SESTD1: variants seen among roughly 807,000 people sequenced by gnomAD.
The protein encoded by SESTD1 is SEC14 domain and spectrin repeat-containing protein 1.
SESTD1 carries 43 observed loss-of-function variants against 101.7 expected under a neutral mutation model. That is an observed-to-expected ratio of 0.42 (90% confidence interval 0.33 to 0.55). The LOEUF (loss-of-function observed/expected upper bound fraction) is 0.55. Ranked by LOEUF, SESTD1 falls within the 20% of genes least tolerant of loss-of-function variation. SESTD1 has a pLI of 0.07. For missense variants in SESTD1, 647 were observed against 815.1 expected, an observed-to-expected ratio of 0.79 and a Z score of 2.51; for synonymous variants, 283 against 286.8, an observed-to-expected ratio of 0.99 and a Z score of 0.13.
At chr2:179,121,297 T>C (rs1006359283) in intron 13 of SESTD1, among the ~76,000 whole-genome samples, 3 of 148,838 alleles carry the variant, frequency 2.0e-5, no homozygotes, top group Admixed American at 1.3e-4. Flanking sequence ...CCTAGTTTTA[T>C]AGAAAATGAA....
At chr2:179,219,584 GA>G (rs1363915834) in intron 1 of SESTD1, among the ~76,000 whole-genome samples, 1 of 152,166 alleles carries the variant, frequency 6.6e-6, no homozygotes, top group Non-Finnish European at 1.5e-5. Context: ...AGCAATTTTA[GA>G]AATTAACAAA....
At chr2:179,179,368 T>C (rs73045819) in intron 3 of SESTD1, among the ~76,000 whole-genome samples, 120 of 152,278 alleles carry the variant, frequency 7.9e-4, no homozygotes, top group African/African-American at 2.8e-3. Context: ...AAGGGTGACA[T>C]AGCTGAGTTA....
intron 13 of SESTD1, 72 bp downstream of exon 13, chr2:179,121,698 A>G: frequency 4.5e-6 from 6 of 1,338,160 alleles, no homozygotes; most frequent in Non-Finnish European, 5.9e-6. Context: ...CTGTATATAA[A>G]ATGTTATATA....
At chr2:179,141,689 A>G (rs1251635376) in intron 9 of SESTD1, among the ~76,000 whole-genome samples, 5 of 152,136 alleles carry the variant, frequency 3.3e-5, no homozygotes, top group Non-Finnish European at 5.9e-5. Flanking sequence ...AGACTATGAC[A>G]TAAGGACCTT....
chr2:179,248,016 C>T (rs567546723), intron 1 of SESTD1, among the ~76,000 whole-genome samples: 129 of 151,676 alleles, frequency 8.5e-4, no homozygotes, highest in African/African-American at 3.1e-3. Flanking sequence ...AATTTAAGCT[C>T]CCATCTCAAG....
rs554696318 is a variant in SESTD1, at chr2:179,172,905, A to G, written c.256-672T>C. 1.4e-4 allele frequency among the ~76,000 whole-genome samples: 21 copies of G among 152,354 alleles called. 1 individual carries two copies. In the East Asian group the frequency reaches 2.3e-3, roughly 17 times the overall value. ...AGTTCTACCGCCTGCATTGTTAACA[A>G]CGCCAAACTATCCAGCTTTCTGAAA... is the stretch of plus-strand genomic sequence containing the variant. On this transcript the variant is annotated intron_variant, in intron 4 of 17. Coordinates refer to ENST00000428443, the MANE Select transcript of SESTD1 (RefSeq NM_178123.5).
At chr2:179,170,775 T>A in intron 5 of SESTD1, among the ~76,000 whole-genome samples, 1 of 152,180 alleles carries the variant, frequency 6.6e-6, no homozygotes, top group East Asian at 1.9e-4. Context: ...GAGACTGAGT[T>A]AGTTAATCAC....
At chr2:179,120,268 G>A (rs2044720480) in intron 13 of SESTD1, among the ~76,000 whole-genome samples, 1 of 152,042 alleles carries the variant, frequency 6.6e-6, no homozygotes, top group Non-Finnish European at 1.5e-5. Flanking sequence ...CCAGTCTCAG[G>A]TAGTTTTTTA....
At chr2:179,112,672 C>T (rs2044535064) in intron 17 of SESTD1, 52 bp downstream of exon 17, 3 of 1,497,590 alleles carry the variant, frequency 2.0e-6, no homozygotes, top group African/African-American at 1.4e-5. Context: ...TTAATGATTT[C>T]ACTTTAAGAC....
chr2:179,229,010 A>C (rs1241857174), intron 1 of SESTD1, among the ~76,000 whole-genome samples: 1 of 152,192 alleles, frequency 6.6e-6, no homozygotes, highest in Non-Finnish European at 1.5e-5. Flanking sequence ...ATCCTCAAGA[A>C]GACCACTCAT....
intron 1 of SESTD1, among the ~76,000 whole-genome samples, chr2:179,201,044 A>G (rs935960703): frequency 7.4e-6 from 1 of 134,768 alleles, no homozygotes; most frequent in African/African-American, 2.9e-5. Context: ...GCTAATATCC[A>G]GAATCTACAA....
At chr2:179,123,642 A>T in intron 12 of SESTD1, 73 bp downstream of exon 12, 2 of 968,158 alleles carry the variant, frequency 2.1e-6, no homozygotes, top group Non-Finnish European at 3.1e-6. Context: ...AAGTTGACTT[A>T]ATTGTCTAAC....
At chr2:179,197,220 T>C (rs1574027957) in intron 1 of SESTD1, among the ~76,000 whole-genome samples, 1 of 149,218 alleles carries the variant, frequency 6.7e-6, no homozygotes, top group South Asian at 2.1e-4. Flanking sequence ...CTATGGAAAA[T>C]GAAATGAATG....
At chr2:179,182,850 C>T (rs559792732) in intron 3 of SESTD1, among the ~76,000 whole-genome samples, 29 of 152,054 alleles carry the variant, frequency 1.9e-4, no homozygotes, top group South Asian at 1.7e-3. Context: ...CCTTAAAAGT[C>T]GACAATACAT....
At chr2:179,197,081 T>C (rs1279030578) in intron 1 of SESTD1, among the ~76,000 whole-genome samples, 2 of 151,956 alleles carry the variant, frequency 1.3e-5, no homozygotes, top group Non-Finnish European at 2.9e-5. Flanking sequence ...GAAGAATGTA[T>C]AACTAGAATA....
chr2:179,157,733 C>A (rs973479632), intron 5 of SESTD1, among the ~76,000 whole-genome samples: 1 of 152,108 alleles, frequency 6.6e-6, no homozygotes, highest in Non-Finnish European at 1.5e-5. Flanking sequence ...ACTTAACAAT[C>A]ATTATTTAGT....
intron 5 of SESTD1, among the ~76,000 whole-genome samples, chr2:179,153,642 A>G (rs900746836): frequency 6.6e-6 from 1 of 152,210 alleles, no homozygotes; most frequent in Admixed American, 6.5e-5. Context: ...CTCATAAAAA[A>G]GAATCAGGTT....
intron 1 of SESTD1, among the ~76,000 whole-genome samples, chr2:179,262,631 G>T (rs979099979): frequency 2.6e-5 from 4 of 152,114 alleles, no homozygotes; most frequent in Non-Finnish European, 5.9e-5. Flanking sequence ...CTAAAAATCG[G>T]ATTAGTTTGG....
chr2:179,241,222 A>G (rs897704764), intron 1 of SESTD1, among the ~76,000 whole-genome samples: 2 of 152,320 alleles, frequency 1.3e-5, no homozygotes, highest in Non-Finnish European at 2.9e-5. Flanking sequence ...CAGTGAGACT[A>G]TATGAAAGAT....
Sources: gnomAD v4.1 joint callset for allele counts (sites outside exome capture counted in the v4.1 genomes callset) on GRCh38, gnomAD v4.1.1 for gene constraint, MANE v1.5 for transcripts, NCBI Gene and HGNC (gene_info 2026-07-23, HGNC 2026-07-21) for gene names.